Variants in DOCK4 observed in about 807,000 individuals in gnomAD.
DOCK4 encodes the protein dedicator of cytokinesis protein 4.
DOCK4 carries 97 observed loss-of-function variants against 268.1 expected under a neutral mutation model. The observed-to-expected ratio is 0.36, with a 90% CI of 0.31 to 0.43. DOCK4 has a LOEUF of 0.43. Ranked by LOEUF, DOCK4 falls within the 20% of genes least tolerant of loss-of-function variation. The probability of loss-of-function intolerance (pLI) is 1.00; values close to 1 mark genes in which losing one functional copy is unlikely to be tolerated. For synonymous variants in DOCK4, 954 were observed against 887.2 expected (o/e 1.08, Z -1.34); for missense variants, 2,145 against 2,455.7 (o/e 0.87, Z 2.67).
chr7:112,046,084 T>C (rs574173387), intron 1 of DOCK4, among the ~76,000 whole-genome samples: 1 of 152,328 alleles, frequency 6.6e-6, no homozygotes, highest in East Asian at 1.9e-4. Context: ...ACAGAAAAGC[T>C]TGTCAACTCA....
intron 6 of DOCK4, among the ~76,000 whole-genome samples, chr7:111,988,630 G>A (rs933730764): frequency 1.3e-5 from 2 of 152,154 alleles, no homozygotes; most frequent in Non-Finnish European, 2.9e-5. Context: ...GATTACACTG[G>A]TGACCTATTA....
At chr7:111,838,086 C>CAA (rs749907970) in intron 25 of DOCK4, among the ~76,000 whole-genome samples, 1,304 of 29,780 alleles carry the variant, frequency 0.044, 163 homozygotes, top group African/African-American at 0.12. Context: ...AACCCTACCT[C>CAA]AAAAAAAAAA....
rs139063564 is a variant in DOCK4 at position 111,933,585 on chromosome 7, G to A, written c.1066+1955C>T. 1.3e-3 allele frequency among the ~76,000 whole-genome samples: 196 copies of A among 152,020 alleles called. 2 individuals are homozygous for A. In the East Asian group the frequency reaches 0.029, roughly 23 times the overall value. ...GCTGTGATTACAGACGTGAGCCACCGCACCCAGCCGAGAATTGTAATTGTT... is the reference window on the plus strand; with the variant it reads ...GCTGTGATTACAGACGTGAGCCACCACACCCAGCCGAGAATTGTAATTGTT... On this transcript the variant is annotated intron_variant, in intron 12 of 52. Coordinates refer to ENST00000428084, the MANE Select transcript of DOCK4 (RefSeq NM_001363540.2).
intron 1 of DOCK4, among the ~76,000 whole-genome samples, chr7:112,191,333 G>A (rs774548026): frequency 6.6e-6 from 1 of 151,982 alleles, no homozygotes; most frequent in Non-Finnish European, 1.5e-5. Context: ...TTCCCTTCAC[G>A]TCACTCAGCA....
intron 23 of DOCK4, among the ~76,000 whole-genome samples, chr7:111,851,372 G>A (rs1486599498): frequency 6.7e-6 from 1 of 150,226 alleles, no homozygotes; most frequent in Non-Finnish European, 1.5e-5. Flanking sequence ...TTGAACCTGG[G>A]AGGCAGAGGT....
At chr7:111,853,221 T>C (rs765614044) in intron 23 of DOCK4, among the ~76,000 whole-genome samples, 1 of 152,214 alleles carries the variant, frequency 6.6e-6, no homozygotes, top group Non-Finnish European at 1.5e-5. Flanking sequence ...ACAGGGATCC[T>C]TGAAGTCAGC....
At chr7:112,032,588 C>A (rs1234113268) in intron 1 of DOCK4, among the ~76,000 whole-genome samples, 1 of 152,168 alleles carries the variant, frequency 6.6e-6, no homozygotes, top group Admixed American at 6.5e-5. Flanking sequence ...CCTCCCTACA[C>A]AACAATGTGT....
At chr7:111,788,142 T>C (rs149337289) in intron 32 of DOCK4, among the ~76,000 whole-genome samples, 22 of 152,348 alleles carry the variant, frequency 1.4e-4, no homozygotes, top group Middle Eastern at 3.4e-3. Context: ...TAAAAGTGAT[T>C]TGCTTCTGAG....
intron 17 of DOCK4, among the ~76,000 whole-genome samples, chr7:111,875,065 A>G (rs953253372): frequency 3.3e-5 from 5 of 152,232 alleles, no homozygotes; most frequent in African/African-American, 7.2e-5. Context: ...AGAAAGACCA[A>G]CTAACTTCCT....
intron 1 of DOCK4, among the ~76,000 whole-genome samples, chr7:112,039,957 G>C (rs186218245): frequency 2.3e-4 from 35 of 152,074 alleles, no homozygotes; most frequent in Non-Finnish European, 4.0e-4. Flanking sequence ...TTATTCTATT[G>C]TAATTGCCTT....
intron 1 of DOCK4, among the ~76,000 whole-genome samples, chr7:112,030,723 G>A (rs548091327): frequency 6.6e-6 from 1 of 152,322 alleles, no homozygotes; most frequent in East Asian, 1.9e-4. Context: ...CTTGCTAGAA[G>A]AAGTCTTCAC....
intron 16 of DOCK4, among the ~76,000 whole-genome samples, chr7:111,887,612 T>G (rs1460534344): frequency 1.3e-5 from 2 of 152,090 alleles, no homozygotes; most frequent in Non-Finnish European, 2.9e-5. Flanking sequence ...CTTTAGCCCC[T>G]GGCTGGGCAC....
chr7:111,998,353 T>C (rs971978897), intron 4 of DOCK4, 95 bp downstream of exon 4: 23 of 973,176 alleles, frequency 2.4e-5, no homozygotes, highest in Admixed American at 1.4e-4. Context: ...TCTTCTACAG[T>C]TCATTTTTCA....
At chr7:112,088,941 G>A (rs1269394313) in intron 1 of DOCK4, among the ~76,000 whole-genome samples, 2 of 152,060 alleles carry the variant, frequency 1.3e-5, no homozygotes, top group African/African-American at 4.8e-5. Context: ...GGCAGTAAGT[G>A]CTCAATACGT....
intron 8 of DOCK4, among the ~76,000 whole-genome samples, chr7:111,952,260 T>C (rs1288293830): frequency 6.6e-6 from 1 of 152,188 alleles, no homozygotes; most frequent in Non-Finnish European, 1.5e-5. Flanking sequence ...AGACCTCTAA[T>C]GATGACAAGT....
chr7:111,876,501 C>T (rs1441486311), intron 17 of DOCK4, among the ~76,000 whole-genome samples: 2 of 151,934 alleles, frequency 1.3e-5, no homozygotes, highest in African/African-American at 2.4e-5. Context: ...TATATGACAA[C>T]GATAAAAAAC....
At chr7:112,123,190 G>A (rs1336926774) in intron 1 of DOCK4, among the ~76,000 whole-genome samples, 2 of 152,188 alleles carry the variant, frequency 1.3e-5, no homozygotes, top group East Asian at 1.9e-4. Flanking sequence ...CCATTCAGGT[G>A]TGGTTACATC....
chr7:111,895,802 A>G, intron 15 of DOCK4, 84 bp from the exon 16 acceptor site: 1 of 1,307,586 alleles, frequency 7.6e-7, no homozygotes, highest in South Asian at 1.2e-5. Flanking sequence ...ATCGAGAAAT[A>G]TAACTCATAC....
chr7:111,921,990 A>G (rs1793175115), intron 12 of DOCK4, among the ~76,000 whole-genome samples: 1 of 152,248 alleles, frequency 6.6e-6, no homozygotes, highest in Non-Finnish European at 1.5e-5. Flanking sequence ...CTGTATATTG[A>G]GAACAATCCT....
Sources: allele counts gnomAD v4.1 joint callset (sites outside exome capture counted in the v4.1 genomes callset), GRCh38; gene constraint gnomAD v4.1.1; transcripts MANE v1.5; gene names NCBI Gene and HGNC (gene_info 2026-07-23, HGNC 2026-07-21).